Variants in TNPO3 observed in about 807,000 individuals in gnomAD.
The protein encoded by TNPO3 is transportin 3.
A neutral mutation model predicts 122.8 loss-of-function variants in TNPO3; 65 were observed. That is an observed-to-expected ratio of 0.53 (90% CI 0.43 to 0.65). The LOEUF (loss-of-function observed/expected upper bound fraction) is 0.65, where lower values mean the gene tolerates loss of function less well. Ranked by LOEUF, TNPO3 falls within the 30% of genes least tolerant of loss-of-function variation. TNPO3 has a pLI of 0.00. For missense variants in TNPO3, 850 were observed against 1,136.7 expected (o/e 0.75, Z 3.63); for synonymous variants, 372 against 411.2 (o/e 0.90, Z 1.15).
At chr7:129,006,886 G>A (rs1322942331) in intron 4 of TNPO3, among the ~76,000 whole-genome samples, 3 of 152,118 alleles carry the variant, frequency 2.0e-5, no homozygotes, top group Non-Finnish European at 2.9e-5. Context: ...TAAGATATTC[G>A]GGTCTGGAAG....
At chr7:129,006,646 C>A (rs923866097) in intron 4 of TNPO3, among the ~76,000 whole-genome samples, 1 of 152,116 alleles carries the variant, frequency 6.6e-6, no homozygotes, top group Non-Finnish European at 1.5e-5. Flanking sequence ...GGGGTGAAAT[C>A]CCATAATGTA....
intron 1 of TNPO3, among the ~76,000 whole-genome samples, chr7:129,050,002 T>C (rs1377081697): frequency 6.6e-6 from 1 of 152,088 alleles, no homozygotes; most frequent in African/African-American, 2.4e-5. Flanking sequence ...GGAGAGAGGA[T>C]TGCCTGAGAC....
chr7:129,028,500 A>G (rs1805531346), intron 1 of TNPO3, among the ~76,000 whole-genome samples: 1 of 152,150 alleles, frequency 6.6e-6, no homozygotes, highest in African/African-American at 2.4e-5. Flanking sequence ...AGAAGGAAAT[A>G]ATAAAGATTT....
At chr7:128,980,676 G>A (rs915850466) in intron 14 of TNPO3, among the ~76,000 whole-genome samples, 6 of 151,892 alleles carry the variant, frequency 4.0e-5, no homozygotes, top group African/African-American at 4.8e-5. Flanking sequence ...GGCAACAAGC[G>A]GATGAAGTAA....
chr7:129,054,701 G>A lies in TNPO3; in HGVS notation c.70C>T (p.Pro24Ser), dbSNP rs1408084010. Reference sequence around the variant, plus strand: ...AAAGAGGCGCGCTCCTTTCCGCTGGGATCTGGGTCGTGGTAAAGCGCCTGC... The same window carrying A: ...AAAGAGGCGCGCTCCTTTCCGCTGGAATCTGGGTCGTGGTAAAGCGCCTGC... ...AVQALYHDPDPSGKERASFWL... is the reference protein window; with the variant it reads ...AVQALYHDPDSSGKERASFWL... Residue 24 changes from proline to serine, a missense_variant, in exon 1 of 23, where the codon CCC (proline) becomes TCC (serine). Physicochemically the swap from Pro to Ser is moderately conservative, Grantham distance 74 (BLOSUM62 -1). Coordinates refer to ENST00000265388, the MANE Select transcript of TNPO3 (RefSeq NM_012470.4). The A allele has an allele frequency of 1.9e-6, 3 of 1,614,210 alleles. No homozygotes were observed. Among genetic ancestry groups the A allele is most frequent in the Non-Finnish European group, 2.5e-6 (3 of 1,180,040 alleles).
intron 2 of TNPO3, among the ~76,000 whole-genome samples, chr7:129,017,595 C>A (rs1220971824): frequency 6.6e-6 from 1 of 152,196 alleles, no homozygotes; most frequent in African/African-American, 2.4e-5. Context: ...ATGTATTTCC[C>A]TGTCCAAGGG....
At position 129,049,009 on chromosome 7, in the gene TNPO3, T is replaced by C. The variant is rs77613553; in HGVS notation, c.120+5642A>G. Among the ~76,000 whole-genome samples the C allele has an allele frequency of 5.4e-3, 826 of 152,270 alleles. 13 individuals are homozygous for C. Among genetic ancestry groups the C allele is most frequent in the African/African-American group, 0.019 (791 of 41,546 alleles). Reference sequence around the variant, plus strand: ...AAAGGCAAACACAATGAAGTAAAGTTCTCTAGGCATTCATTGGGGGCTGAA... The same window carrying C: ...AAAGGCAAACACAATGAAGTAAAGTCCTCTAGGCATTCATTGGGGGCTGAA... On this transcript the variant is annotated intron_variant, in intron 1 of 22. Transcript: ENST00000265388.
chr7:129,023,382 T>C (rs952442204), intron 1 of TNPO3, among the ~76,000 whole-genome samples: 1 of 151,564 alleles, frequency 6.6e-6, no homozygotes, highest in African/African-American at 2.4e-5. Flanking sequence ...TATATAGATA[T>C]ATAAAAATAT....
chr7:128,990,105 G>A lies in TNPO3; in HGVS notation c.1359-5C>T, dbSNP rs757673014. ...ACAAGTGTTGGATTGTTTTCCCTGAGTACAGGCGGTAAGTACTCACAGTTA... is the reference window on the plus strand; with the variant it reads ...ACAAGTGTTGGATTGTTTTCCCTGAATACAGGCGGTAAGTACTCACAGTTA... On this transcript the variant is annotated splice_region_variant and splice_polypyrimidine_tract_variant and intron_variant, in intron 10 of 22. Coordinates refer to ENST00000265388, the MANE Select transcript of TNPO3 (RefSeq NM_012470.4). 9 of 1,614,060 alleles carry A rather than the reference G, an allele frequency of 5.6e-6. No homozygotes were observed. Among genetic ancestry groups the A allele is most frequent in the Non-Finnish European group, 7.6e-6 (9 of 1,180,046 alleles).
At chr7:128,986,194 G>T (rs1800125656) in intron 12 of TNPO3, among the ~76,000 whole-genome samples, 1 of 152,184 alleles carries the variant, frequency 6.6e-6, no homozygotes, top group Admixed American at 6.5e-5. Flanking sequence ...GCTGTTCTAA[G>T]TCTTTTCCCC....
intron 4 of TNPO3, among the ~76,000 whole-genome samples, chr7:129,007,895 A>G (rs1802749249): frequency 6.6e-6 from 1 of 152,154 alleles, no homozygotes; most frequent in Non-Finnish European, 1.5e-5. Context: ...TCACGGCTGT[A>G]ATCCCAGCAC....
At chr7:129,037,100 A>G (rs560045582) in intron 1 of TNPO3, among the ~76,000 whole-genome samples, 1 of 152,360 alleles carries the variant, frequency 6.6e-6, no homozygotes, top group South Asian at 2.1e-4. Flanking sequence ...AAAGCAGTGA[A>G]GTATATGGGT....
chr7:129,033,938 A>G (rs1161797446), intron 1 of TNPO3, among the ~76,000 whole-genome samples: 1 of 151,660 alleles, frequency 6.6e-6, no homozygotes, highest in Non-Finnish European at 1.5e-5. Context: ...TCTCAAACAG[A>G]TAAGATATTT....
chr7:129,013,321 AAGAAAC>A (rs753128761), intron 4 of TNPO3, among the ~76,000 whole-genome samples: 9 of 152,184 alleles, frequency 5.9e-5, no homozygotes, highest in Non-Finnish European at 1.2e-4. Context: ...TGCACAGCAA[AAGAAAC>A]AATCAACCAA....
intron 1 of TNPO3, among the ~76,000 whole-genome samples, chr7:129,024,114 G>A (rs542783436): frequency 1.3e-5 from 2 of 152,318 alleles, no homozygotes; most frequent in Admixed American, 6.5e-5. Context: ...GACATTCTGG[G>A]ACTTTCAAGG....
Position 128,992,008 on chromosome 7 carries a change from C to G in TNPO3, c.1349G>C (p.Ser450Thr). 6.2e-7 allele frequency: 1 copy of G among 1,606,572 alleles called. No homozygotes were observed. The highest frequency in any genetic ancestry group is 1.1e-5 in the South Asian group (1 of 89,736). The change falls in exon 10 of 23, where the codon AGT becomes ACT. Residue 450 changes from serine to threonine, a missense_variant. Coordinates refer to ENST00000265388, the MANE Select transcript of TNPO3 (RefSeq NM_012470.4). ...VLFIMAAIAK[S>T]VDPENNPTLV... ...CTTATGAGACACTCACGGATCAACA[C>G]TCTTTGCTATAGCAGCCATGATAAA...
intron 1 of TNPO3, among the ~76,000 whole-genome samples, chr7:129,024,258 G>A (rs981323815): frequency 6.6e-6 from 1 of 152,158 alleles, no homozygotes; most frequent in Non-Finnish European, 1.5e-5. Flanking sequence ...TACATGGAAA[G>A]CTAGAGGGGC....
rs1797486287 is a variant in TNPO3 at position 128,961,833 on chromosome 7, T to G, written c.2712-4518A>C. Among the ~76,000 whole-genome samples, 3 of 152,302 alleles carry G rather than the reference T, an allele frequency of 2.0e-5. No homozygotes were observed. The South Asian group carries it at 6.2e-4, about 32-fold the overall frequency. ...CTTGACTAGGGATTCAACCCCTTAC[T>G]GGCCTCTAATTCCAGTATCAATGCT... On this transcript the variant is annotated intron_variant, in intron 21 of 22. Transcript: ENST00000265388.
rs1161651375 is a variant in TNPO3, at chr7:128,997,551, A to T, written c.1012-16T>A. The T allele has an allele frequency of 6.2e-7, 1 of 1,606,284 alleles. No individual in the cohort carries two copies. The highest frequency in any genetic ancestry group is 1.7e-5 in the Admixed American group (1 of 59,610). On this transcript the variant is annotated splice_polypyrimidine_tract_variant and intron_variant, in intron 7 of 22. Transcript: ENST00000265388. ...TTTCTACTACCTGTTAGGTTAAAAGAGATGATTTATTTGAATGGGAAAGGA... is the reference window on the plus strand; with the variant it reads ...TTTCTACTACCTGTTAGGTTAAAAGTGATGATTTATTTGAATGGGAAAGGA...
Sources: gnomAD v4.1 joint callset for allele counts (sites outside exome capture counted in the v4.1 genomes callset) on GRCh38, gnomAD v4.1.1 for gene constraint, MANE v1.5 for transcripts, NCBI Gene and HGNC (gene_info 2026-07-23, HGNC 2026-07-21) for gene names.